COL5A2: variants seen among roughly 807,000 people sequenced by gnomAD.
COL5A2 encodes collagen alpha-2(V) chain.
In COL5A2, 23 loss-of-function variants were observed where a neutral mutation model predicts 208.2. That is an observed-to-expected ratio of 0.11 (90% confidence interval 0.08 to 0.16). COL5A2 has a LOEUF of 0.16. Among genes scored for constraint, COL5A2 ranks in the 10% least tolerant of loss-of-function variants. The probability of loss-of-function intolerance (pLI) is 1.00; values close to 1 mark genes in which losing one functional copy is unlikely to be tolerated. For synonymous variants in COL5A2, 625 were observed against 628.5 expected (o/e 0.99, Z 0.08); for missense variants, 1,590 against 1,956.4 (o/e 0.81, Z 3.53).
chr2:189,170,575 T>G (rs1462113434), intron 1 of COL5A2, among the ~76,000 whole-genome samples: 2 of 152,106 alleles, frequency 1.3e-5, no homozygotes, highest in African/African-American at 4.8e-5. Flanking sequence ...ATCGCAAAAG[T>G]TAGATGTGGG....
intron 1 of COL5A2, among the ~76,000 whole-genome samples, chr2:189,189,589 T>C (rs994204618): frequency 1.3e-5 from 2 of 152,066 alleles, no homozygotes; most frequent in African/African-American, 4.8e-5. Flanking sequence ...GAGTTTGAAG[T>C]TGCAGTGAGC....
upstream of COL5A2, among the ~76,000 whole-genome samples, chr2:189,226,403 A>C (rs1186798143): frequency 6.6e-6 from 1 of 152,148 alleles, no homozygotes; most frequent in Non-Finnish European, 1.5e-5. Flanking sequence ...GTTAAGAGGC[A>C]CCTGCATCCC....
At chr2:189,305,586 T>C in the COL5A2 span, among the ~76,000 whole-genome samples, 2 of 152,154 alleles carry the variant, frequency 1.3e-5, no homozygotes, top group African/African-American at 4.8e-5. Flanking sequence ...TACAAATAAA[T>C]TTCTATTGTT....
chr2:189,061,660 T>C, intron 29 of COL5A2, 45 bp from the exon 30 acceptor site: 1 of 1,389,632 alleles, frequency 7.2e-7, no homozygotes. Flanking sequence ...ACCAGATCTT[T>C]GTCTGCTTCC....
intron 1 of COL5A2, among the ~76,000 whole-genome samples, chr2:189,155,823 C>T (rs1433288170): frequency 1.3e-5 from 2 of 152,154 alleles, no homozygotes; most frequent in East Asian, 3.9e-4. Flanking sequence ...TTTCACTGGG[C>T]TAACATCAAG....
chr2:189,100,109 C>G lies in COL5A2; in HGVS notation c.367G>C (p.Val123Leu), dbSNP rs193009266. 2 of 1,608,696 alleles carry G rather than the reference C, an allele frequency of 1.2e-6. No individual in the cohort carries two copies. The highest frequency in any genetic ancestry group is 8.5e-7 in the Non-Finnish European group (1 of 1,175,342). The change falls in exon 4 of 54, where the codon GTT (valine) becomes CTT (leucine). Residue 123 changes from valine to leucine, a missense_variant and splice_region_variant. Val to Leu is a conservative substitution (Grantham distance 32). Transcript: ENST00000374866. ...ACAATGATTATACATATACTTACAA[C>G]AGGCACTAATCCTGGTTCTCCCTTT... ...GQKGEPGLVP[V>L]VTGIRGRPGP...
intron 10 of COL5A2, 24 bp from the exon 11 acceptor site, chr2:189,085,237 G>GA (rs773574884): frequency 3.1e-6 from 5 of 1,592,930 alleles, no homozygotes; most frequent in Non-Finnish European, 4.3e-6. Context: ...AAAACAAAAG[G>GA]AAAAAAAGAA....
intron 1 of COL5A2, among the ~76,000 whole-genome samples, chr2:189,137,108 T>C (rs1040059420): frequency 2.6e-5 from 4 of 152,186 alleles, no homozygotes; most frequent in African/African-American, 9.6e-5. Context: ...TCGTTCGTGT[T>C]TATTCTGAAT....
At chr2:189,274,381 T>G in the COL5A2 span, among the ~76,000 whole-genome samples, 1 of 152,294 alleles carries the variant, frequency 6.6e-6, no homozygotes, top group African/African-American at 2.4e-5. Flanking sequence ...ACACAACACA[T>G]AGCATTTCAC....
the COL5A2 span, among the ~76,000 whole-genome samples, chr2:189,319,891 T>C: frequency 1.3e-5 from 2 of 152,126 alleles, no homozygotes; most frequent in Non-Finnish European, 2.9e-5. Context: ...GACCCCCAGG[T>C]AGCCTATCTG....
chr2:189,419,899 GAGA>G, the COL5A2 span, among the ~76,000 whole-genome samples: 1 of 146,256 alleles, frequency 6.8e-6, no homozygotes, highest in Non-Finnish European at 1.5e-5. Flanking sequence ...GAGAGGAGAG[GAGA>G]AGAGGAGGAG....
At chr2:189,277,448 G>T in the COL5A2 span, among the ~76,000 whole-genome samples, 1 of 152,010 alleles carries the variant, frequency 6.6e-6, no homozygotes, top group African/African-American at 2.4e-5. Flanking sequence ...GCGAGTTCGG[G>T]TCAATCACCA....
At chr2:189,121,571 T>C (rs1687500578) in intron 1 of COL5A2, among the ~76,000 whole-genome samples, 1 of 151,922 alleles carries the variant, frequency 6.6e-6, no homozygotes, top group Admixed American at 6.6e-5. Flanking sequence ...CACAGCAACA[T>C]GGCAGGAACC....
At chr2:189,115,203 T>C (rs1687364107) in intron 1 of COL5A2, among the ~76,000 whole-genome samples, 1 of 152,202 alleles carries the variant, frequency 6.6e-6, no homozygotes, top group Non-Finnish European at 1.5e-5. Flanking sequence ...TTTCTGTTTC[T>C]CATATATCCT....
At chr2:189,325,431 A>G in the COL5A2 span, among the ~76,000 whole-genome samples, 9 of 151,880 alleles carry the variant, frequency 5.9e-5, no homozygotes, top group South Asian at 2.1e-4. Context: ...GTCCTTCCAC[A>G]AAAATGTTTG....
Position 189,053,440 on chromosome 2 carries a change from C to T in COL5A2, c.2537G>A (p.Gly846Asp). The T allele has an allele frequency of 6.2e-7, 1 of 1,613,796 alleles. No individual in the cohort carries two copies. The highest frequency in any genetic ancestry group is 8.5e-7 in the Non-Finnish European group (1 of 1,179,836). Reference protein sequence around the residue: ...RGENGPTGAVGFAGPQGPDGQ... With the variant: ...RGENGPTGAVDFAGPQGPDGQ... ...AAATTATACCTGGGGTCCGGCAAAA[C>T]CAACAGCTCCAGTTGGCCCATTTTC... Residue 846 changes from glycine (G) to aspartate (D), a missense_variant, in exon 38 of 54, where the codon GGT becomes GAT. Gly to Asp is a moderately conservative substitution (Grantham distance 94). Coordinates refer to ENST00000374866, the MANE Select transcript of COL5A2 (RefSeq NM_000393.5).
the COL5A2 span, among the ~76,000 whole-genome samples, chr2:189,410,913 A>T: frequency 2.0e-5 from 3 of 152,226 alleles, no homozygotes; most frequent in Non-Finnish European, 4.4e-5. Flanking sequence ...AATTATAATT[A>T]TTAACTTTAA....
the COL5A2 span, among the ~76,000 whole-genome samples, chr2:189,401,982 T>C: frequency 6.6e-6 from 1 of 152,148 alleles, no homozygotes; most frequent in African/African-American, 2.4e-5. Flanking sequence ...GTCAGATTAA[T>C]AGATTGCAAA....
chr2:189,042,144 TATTTTTTCTA>T (rs1685574566), intron 49 of COL5A2, among the ~76,000 whole-genome samples: 1 of 152,198 alleles, frequency 6.6e-6, no homozygotes, highest in Non-Finnish European at 1.5e-5. Flanking sequence ...TTCTTTAAAT[TATTTTTTCTA>T]ATTTTTTCTA....
Sources: allele counts gnomAD v4.1 joint callset (sites outside exome capture counted in the v4.1 genomes callset), GRCh38; gene constraint gnomAD v4.1.1; transcripts MANE v1.5; gene names NCBI Gene and HGNC (gene_info 2026-07-23, HGNC 2026-07-21).